Variants in UBTD2 observed in about 807,000 individuals in gnomAD.
UBTD2 encodes ubiquitin domain containing 2, also known as ubiquitin domain-containing protein 2.
A neutral mutation model predicts 19.8 loss-of-function variants in UBTD2; 9 were observed. The ratio of observed to expected loss-of-function variants is 0.46; its 90% CI spans 0.27 to 0.79. The LOEUF is 0.79. Ranked by LOEUF, UBTD2 falls within the 30% of genes least tolerant of loss-of-function variation. The pLI, the probability that UBTD2 is intolerant of heterozygous loss-of-function variation, is 0.14. For synonymous variants in UBTD2, 98 were observed against 103.9 expected, an observed-to-expected ratio of 0.94 and a Z score of 0.35; for missense variants, 250 against 300.4, an observed-to-expected ratio of 0.83 and a Z score of 1.24.
chr5:172,222,680 G>C (rs1561850453), intron 2 of UBTD2, among the ~76,000 whole-genome samples: 1 of 152,146 alleles, frequency 6.6e-6, no homozygotes, highest in Non-Finnish European at 1.5e-5. Flanking sequence ...GGAATCCCAA[G>C]AAATAGAAAT....
In UBTD2 at chr5:172,211,702, C is replaced by G; in HGVS notation, c.*128G>C. 2 of 1,048,566 alleles carry G rather than the reference C, an allele frequency of 1.9e-6. No individual in the cohort carries two copies. Among genetic ancestry groups the G allele is most frequent in the South Asian group, 6.2e-5 (2 of 32,394 alleles). 65.0% of individuals were successfully genotyped at this position (1,048,566 alleles called of 1,614,324 possible). A position where few individuals can be genotyped will look rare whatever the true frequency, so the allele number is the denominator to read the frequency against. ...AGATGGAATTTTTCACTGGTAATTCCTCAGAACTAAATCCATTCATAGGGA... is the reference window on the plus strand; with the variant it reads ...AGATGGAATTTTTCACTGGTAATTCGTCAGAACTAAATCCATTCATAGGGA... On this transcript the variant is annotated 3_prime_UTR_variant, in exon 3 of 3. Coordinates refer to ENST00000393792, the MANE Select transcript of UBTD2 (RefSeq NM_152277.3).
At chr5:172,283,767 G>A, upstream of UBTD2, 4 of 829,912 alleles carry the variant, frequency 4.8e-6, no homozygotes, top group Non-Finnish European at 6.1e-6. This position sits in a 1 kb window ranked among gnomAD's most constrained non-coding sequence, Gnocchi z 4.3. Context: ...CTCCGGACAG[G>A]CGCGCCGCTC....
intron 1 of UBTD2, among the ~76,000 whole-genome samples, chr5:172,271,401 C>G (rs1190090309): frequency 6.6e-6 from 1 of 150,466 alleles, no homozygotes; most frequent in African/African-American, 2.5e-5. Context: ...TGCACTCCAG[C>G]CTGGGTGACA....
intron 2 of UBTD2, among the ~76,000 whole-genome samples, chr5:172,219,428 C>T (rs10035786): frequency 0.31 from 46,998 of 152,026 alleles, 7,436 homozygotes; most frequent in South Asian, 0.42. Context: ...TGCCATCCTG[C>T]TCCATCTGGC....
At chr5:172,254,970 TA>T in intron 1 of UBTD2, 2 of 563,238 alleles carry the variant, frequency 3.6e-6, no homozygotes, top group South Asian at 1.5e-5. Flanking sequence ...CTCATGTACA[TA>T]AAGGGGATGG....
At chr5:172,248,212 A>T (rs1242653258) in intron 1 of UBTD2, among the ~76,000 whole-genome samples, 2 of 152,238 alleles carry the variant, frequency 1.3e-5, no homozygotes, top group Admixed American at 6.5e-5. Context: ...ATTAAAAGGG[A>T]AGAAAGATCT....
At chr5:172,229,662 G>A (rs1234861303) in intron 2 of UBTD2, among the ~76,000 whole-genome samples, 2 of 152,128 alleles carry the variant, frequency 1.3e-5, no homozygotes, top group African/African-American at 4.8e-5. Context: ...AGGAGGTAGA[G>A]GAAGGGAGTA....
chr5:172,268,266 A>AG (rs1434323102), intron 1 of UBTD2, among the ~76,000 whole-genome samples: 1 of 152,180 alleles, frequency 6.6e-6, no homozygotes, highest in Non-Finnish European at 1.5e-5. Flanking sequence ...TAGAAAAATG[A>AG]GAAAAACGCT....
rs1391741047 is a variant in UBTD2 at position 172,211,785 on chromosome 5, T to C, written c.*45A>G. 3 of 1,526,220 alleles carry C rather than the reference T, an allele frequency of 2.0e-6. No individual in the cohort carries two copies. The highest frequency in any genetic ancestry group is 2.7e-5 in the South Asian group (2 of 75,074). 94.5% of individuals were successfully genotyped at this position (1,526,220 alleles called of 1,614,324 possible). A position where few individuals can be genotyped will look rare whatever the true frequency, so the allele number is the denominator to read the frequency against. On this transcript the variant is annotated 3_prime_UTR_variant, in exon 3 of 3. Transcript: ENST00000393792. ...GAGTAGGAAATGACAACAAGAACCA[T>C]AAAAAGGAGCAGAGGGATGTGGGAG...
chr5:172,233,754 G>T (rs574638167), intron 2 of UBTD2, among the ~76,000 whole-genome samples: 1 of 118,710 alleles, frequency 8.4e-6, no homozygotes, highest in Non-Finnish European at 1.6e-5. Context: ...CTGCTAGGAG[G>T]AAACCAGTGA....
At chr5:172,252,367 A>T (rs1228773625) in intron 1 of UBTD2, 1 of 152,208 alleles carries the variant, frequency 6.6e-6, no homozygotes, top group Admixed American at 6.5e-5. Context: ...GAATTGGCAG[A>T]CAGGAAGCCA....
At chr5:172,252,976 T>C (rs951565517) in intron 1 of UBTD2, among the ~76,000 whole-genome samples, 1 of 152,178 alleles carries the variant, frequency 6.6e-6, no homozygotes, top group Non-Finnish European at 1.5e-5. Context: ...GAAACTGTAT[T>C]CTCTTGGGGT....
At chr5:172,281,192 C>T (rs530451135) in intron 1 of UBTD2, among the ~76,000 whole-genome samples, 2 of 152,198 alleles carry the variant, frequency 1.3e-5, no homozygotes, top group South Asian at 4.1e-4. Flanking sequence ...TGAGCCACCC[C>T]GCCTGGTTGG....
At chr5:172,254,675 G>T in intron 1 of UBTD2, 1 of 561,854 alleles carries the variant, frequency 1.8e-6, no homozygotes, top group South Asian at 2.3e-5. Context: ...CACAGGTAAA[G>T]GTCTCTTCCC....
intron 2 of UBTD2, among the ~76,000 whole-genome samples, chr5:172,224,479 T>C (rs562826246): frequency 6.6e-6 from 1 of 152,152 alleles, no homozygotes; most frequent in African/African-American, 2.4e-5. Flanking sequence ...TTAGTAGAGA[T>C]GGGATTTCCC....
chr5:172,260,877 A>G (rs1755255797), intron 1 of UBTD2, among the ~76,000 whole-genome samples: 1 of 152,256 alleles, frequency 6.6e-6, no homozygotes, highest in Non-Finnish European at 1.5e-5. Context: ...TCATTTAGGA[A>G]GAGCATCTCT....
chr5:172,283,489 T>C lies in UBTD2; in HGVS notation c.70+107A>G. The C allele has an allele frequency of 1.1e-6, 1 of 876,086 alleles. No homozygotes were observed. 54.3% of individuals were successfully genotyped at this position (876,086 alleles called of 1,614,324 possible). A position where few individuals can be genotyped will look rare whatever the true frequency, so the allele number is the denominator to read the frequency against. ...GCGGGGAATGACGTGGAAGAGGGGATGACAAAGGGGCGCGGGGGCCCGGCG... is the reference window on the plus strand; with the variant it reads ...GCGGGGAATGACGTGGAAGAGGGGACGACAAAGGGGCGCGGGGGCCCGGCG... On this transcript the variant is annotated intron_variant, in intron 1 of 2. Coordinates refer to ENST00000393792, the MANE Select transcript of UBTD2 (RefSeq NM_152277.3). This position sits in a 1 kb window ranked among gnomAD's most constrained non-coding sequence, Gnocchi z 4.3.
At chr5:172,221,923 T>C (rs1771660030) in intron 2 of UBTD2, among the ~76,000 whole-genome samples, 1 of 152,246 alleles carries the variant, frequency 6.6e-6, no homozygotes, top group East Asian at 1.9e-4. Flanking sequence ...TGAATGTTGA[T>C]ACTGGGGGAG....
chr5:172,251,314 C>CAAAAAAAAAAAAAAAAAAAAAAAAAAAAA (rs57577423), intron 1 of UBTD2, among the ~76,000 whole-genome samples: 1 of 118,218 alleles, frequency 8.5e-6, no homozygotes, highest in African/African-American at 3.4e-5. Context: ...GAGCCTATCT[C>CAAAAAAAAAAAAAAAAAAAAAAAAAAAAA]AAAAAAAAAA....
Sources: allele counts gnomAD v4.1 joint callset (sites outside exome capture counted in the v4.1 genomes callset), GRCh38; gene constraint gnomAD v4.1.1; non-coding constraint Gnocchi (gnomAD v3.1); transcripts MANE v1.5; gene names NCBI Gene and HGNC (gene_info 2026-07-23, HGNC 2026-07-21).